FAM107B: variants seen among roughly 807,000 people sequenced by gnomAD.
The protein encoded by FAM107B is protein FAM107B.
A neutral mutation model predicts 31.5 loss-of-function variants in FAM107B; 21 were observed. The ratio of observed to expected loss-of-function variants is 0.67; its 90% CI spans 0.47 to 0.96. The LOEUF is 0.96. FAM107B is among the 40% of genes least tolerant of loss of function. FAM107B has a pLI of 0.00. For missense variants in FAM107B, 452 were observed against 377.1 expected (o/e 1.20, Z -1.64); for synonymous variants, 157 against 141.5 (o/e 1.11, Z -0.78).
At position 14,730,343 on chromosome 10, in the gene FAM107B, T is replaced by C. The variant is rs77065358; in HGVS notation, c.411+43910A>G. Among the ~76,000 whole-genome samples, 1,068 of 152,350 alleles carry C rather than the reference T, an allele frequency of 7.0e-3. 48 individuals carry two copies. The East Asian group carries it at 0.13, about 18-fold the overall frequency. ...ACCAAAGACGAGAACCACTGAACTATGGTGAGGGTGCCCTGACCCGACTCT... is the reference window on the plus strand; with the variant it reads ...ACCAAAGACGAGAACCACTGAACTACGGTGAGGGTGCCCTGACCCGACTCT... On this transcript the variant is annotated intron_variant, in intron 1 of 4. Transcript: ENST00000181796.
chr10:14,524,034 ATTTT>A (rs11288279), intron 3 of FAM107B, among the ~76,000 whole-genome samples: 2 of 123,410 alleles, frequency 1.6e-5, no homozygotes, highest in Non-Finnish European at 3.4e-5. Flanking sequence ...GCCCAGCTCT[ATTTT>A]TTTTTTTTTT....
At chr10:14,673,641 G>A (rs1854611284) in intron 1 of FAM107B, among the ~76,000 whole-genome samples, 1 of 152,130 alleles carries the variant, frequency 6.6e-6, no homozygotes, top group African/African-American at 2.4e-5. Context: ...CCTTCCCTTT[G>A]GATGCATACC....
At chr10:14,622,600 C>G (rs922559666) in intron 2 of FAM107B, among the ~76,000 whole-genome samples, 3 of 152,102 alleles carry the variant, frequency 2.0e-5, no homozygotes, top group Non-Finnish European at 4.4e-5. Context: ...ATTCTTAAAC[C>G]AGGCCAGAGA....
intron 2 of FAM107B, among the ~76,000 whole-genome samples, chr10:14,574,182 T>C (rs901756752): frequency 2.5e-4 from 38 of 152,332 alleles, no homozygotes; most frequent in Middle Eastern, 3.4e-3. Flanking sequence ...ATGTAATAAA[T>C]AGATAACAAG....
At chr10:14,686,643 G>A (rs761004736) in intron 1 of FAM107B, among the ~76,000 whole-genome samples, 4 of 152,260 alleles carry the variant, frequency 2.6e-5, no homozygotes, top group East Asian at 3.9e-4. Flanking sequence ...TTTCTAGTCC[G>A]TGCTGAAGTG....
intron 1 of FAM107B, among the ~76,000 whole-genome samples, chr10:14,708,744 G>A (rs1855574707): frequency 6.6e-6 from 1 of 152,074 alleles, no homozygotes; most frequent in Non-Finnish European, 1.5e-5. Flanking sequence ...ATAAAGGATT[G>A]GTACCCCAAA....
rs997928891 is a variant in FAM107B at position 14,625,548 on chromosome 10, C to T, written c.469+42086G>A. ...CATAAGAACAGGGAAACAGGAGGGC[C>T]CAGCTCTGCCTGGCAGCTGTGACAT... On this transcript the variant is annotated intron_variant, in intron 2 of 4. Transcript: ENST00000181796. Among the ~76,000 whole-genome samples the T allele has an allele frequency of 6.6e-5, 10 of 152,094 alleles. No homozygotes were observed. The South Asian group carries it at 1.7e-3, about 25-fold the overall frequency.
chr10:14,636,930 C>G (rs10796211), intron 2 of FAM107B, among the ~76,000 whole-genome samples: 152,207 of 152,208 alleles, frequency 1, 76,103 homozygotes, highest in Middle Eastern at 1. Context: ...AAGAGGTTGT[C>G]CATTTGTTTT....
intron 2 of FAM107B, among the ~76,000 whole-genome samples, chr10:14,612,999 T>A (rs1852761748): frequency 6.6e-6 from 1 of 151,876 alleles, no homozygotes; most frequent in African/African-American, 2.4e-5. Flanking sequence ...TGAGACAGAG[T>A]CTCACTCTGT....
intron 2 of FAM107B, among the ~76,000 whole-genome samples, chr10:14,601,928 T>C (rs551603854): frequency 7.9e-5 from 12 of 152,294 alleles, no homozygotes; most frequent in Non-Finnish European, 1.2e-4. Flanking sequence ...ATTCGATGAA[T>C]GAATGAATGA....
intron 1 of FAM107B, among the ~76,000 whole-genome samples, chr10:14,688,334 T>C: frequency 6.6e-6 from 1 of 152,152 alleles, no homozygotes; most frequent in South Asian, 2.1e-4. Flanking sequence ...AGAAGGCCTA[T>C]TGTGGGACTT....
At chr10:14,620,197 T>C (rs1388856307) in intron 2 of FAM107B, among the ~76,000 whole-genome samples, 2 of 152,092 alleles carry the variant, frequency 1.3e-5, no homozygotes, top group East Asian at 3.9e-4. Flanking sequence ...TTTTGTATTT[T>C]TAGTAGAGAC....
At chr10:14,711,412 C>T (rs894873407) in intron 1 of FAM107B, among the ~76,000 whole-genome samples, 30 of 152,190 alleles carry the variant, frequency 2.0e-4, no homozygotes, top group African/African-American at 6.8e-4. Context: ...TGTATTTTTA[C>T]TGTACCTTTT....
intron 1 of FAM107B, among the ~76,000 whole-genome samples, chr10:14,751,865 C>T (rs1400608924): frequency 6.6e-6 from 1 of 151,840 alleles, no homozygotes; most frequent in Admixed American, 6.6e-5. Context: ...CTTCCACTTC[C>T]GCCTCCAAAG....
chr10:14,632,304 C>CAAAAAA (rs60289509), intron 2 of FAM107B, among the ~76,000 whole-genome samples: 1 of 56,586 alleles, frequency 1.8e-5, no homozygotes, highest in African/African-American at 7.6e-5. Flanking sequence ...GACTCTGTCT[C>CAAAAAA]AAAAAAAAAA....
intron 1 of FAM107B, among the ~76,000 whole-genome samples, chr10:14,707,162 CAACAA>C (rs1161133383): frequency 1.3e-5 from 2 of 151,680 alleles, no homozygotes; most frequent in Middle Eastern, 3.2e-3. Context: ...AAAAACAAAA[CAACAA>C]AACAAAACAA....
At chr10:14,573,805 C>T (rs1213020386) in intron 2 of FAM107B, among the ~76,000 whole-genome samples, 5 of 151,868 alleles carry the variant, frequency 3.3e-5, no homozygotes, top group Admixed American at 6.6e-5. Context: ...ACTACGGCAG[C>T]ATAGAACAGA....
intron 2 of FAM107B, among the ~76,000 whole-genome samples, chr10:14,614,536 G>A (rs573620701): frequency 6.6e-6 from 1 of 152,032 alleles, no homozygotes; most frequent in Non-Finnish European, 1.5e-5. Flanking sequence ...AGCCAGGCAT[G>A]GTGGCGCATG....
intron 1 of FAM107B, among the ~76,000 whole-genome samples, chr10:14,685,155 T>G (rs1313568977): frequency 1.2e-3 from 180 of 149,146 alleles, no homozygotes; most frequent in Middle Eastern, 3.4e-3. Context: ...TTTTTTTTTT[T>G]TTTTTTTTTT....
Sources: allele counts gnomAD v4.1 joint callset (sites outside exome capture counted in the v4.1 genomes callset), GRCh38; gene constraint gnomAD v4.1.1; transcripts MANE v1.5; gene names NCBI Gene and HGNC (gene_info 2026-07-23, HGNC 2026-07-21).